ATP8B4: variants seen among roughly 807,000 people sequenced by gnomAD.
ATP8B4 encodes ATPase phospholipid transporting 8B4 (putative), also known as probable phospholipid-transporting ATPase IM.
In ATP8B4, 133 loss-of-function variants were observed where a neutral mutation model predicts 145.6. The ratio of observed to expected loss-of-function variants is 0.91; its 90% confidence interval spans 0.79 to 1.05. ATP8B4 has a LOEUF of 1.05. Among genes scored for constraint, ATP8B4 ranks in the 50% least tolerant of loss-of-function variants. The probability of loss-of-function intolerance (pLI) is 0.00; values close to 1 mark genes in which losing one functional copy is unlikely to be tolerated. For synonymous variants in ATP8B4, 507 were observed against 492.9 expected, an observed-to-expected ratio of 1.03 and a Z score of -0.38; for missense variants, 1,458 against 1,425.2, an observed-to-expected ratio of 1.02 and a Z score of -0.37.
chr15:50,036,924 T>C (rs1039564867), intron 6 of ATP8B4, among the ~76,000 whole-genome samples: 4 of 152,104 alleles, frequency 2.6e-5, no homozygotes, highest in African/African-American at 9.7e-5. Flanking sequence ...CCATATTGAG[T>C]TACAAAGAGA....
chr15:49,952,455 C>T (rs1408156409), intron 14 of ATP8B4, among the ~76,000 whole-genome samples: 1 of 151,986 alleles, frequency 6.6e-6, no homozygotes, highest in African/African-American at 2.4e-5. Context: ...AGTCTTTGAA[C>T]TCTGATATCC....
intron 20 of ATP8B4, among the ~76,000 whole-genome samples, chr15:49,904,048 T>G (rs2038344249): frequency 6.6e-6 from 1 of 152,198 alleles, no homozygotes; most frequent in South Asian, 2.1e-4. Context: ...TATGTTTGTT[T>G]CCACAGTTGA....
chr15:49,937,439 T>G (rs2041827625), intron 14 of ATP8B4, among the ~76,000 whole-genome samples: 1 of 152,158 alleles, frequency 6.6e-6, no homozygotes, highest in Non-Finnish European at 1.5e-5. Context: ...CATATTCAAT[T>G]AAGCCTCACA....
rs1427696686 is a variant in ATP8B4 at position 49,950,605 on chromosome 15, AAC to A, written c.1287+11370_1287+11371del. On this transcript the variant is annotated intron_variant, in intron 14 of 27. Transcript: ENST00000284509. Reference sequence around the variant, plus strand: ...ATGTATTAACTAAAAAAAAAAAACAAACAAACAAACAAACAAAAAAAACAACA... The same window carrying A: ...ATGTATTAACTAAAAAAAAAAAACAAAAACAAACAAACAAAAAAAACAACA... Among the ~76,000 whole-genome samples, 16 of 103,726 alleles carry A rather than the reference AAC, an allele frequency of 1.5e-4. 3 individuals are homozygous for A. The highest frequency in any genetic ancestry group is 3.6e-4 in the African/African-American group (10 of 27,504). The allele number at this position is 103,726 out of a possible 152,430, so 68.0% of individuals were successfully genotyped here.
chr15:49,880,321 G>A (rs892469287), intron 23 of ATP8B4: 3 of 152,126 alleles, frequency 2.0e-5, no homozygotes, highest in Admixed American at 2.0e-4. Context: ...TGAAACAGCT[G>A]GAAATGCTGG....
chr15:50,159,903 C>T (rs2044489693), intron 1 of ATP8B4, among the ~76,000 whole-genome samples: 1 of 151,710 alleles, frequency 6.6e-6, no homozygotes, highest in African/African-American at 2.4e-5. Context: ...TTACTGGCCT[C>T]CTAGAATGAG....
intron 1 of ATP8B4, among the ~76,000 whole-genome samples, chr15:50,137,112 T>C (rs1039270273): frequency 4.6e-5 from 7 of 152,146 alleles, no homozygotes; most frequent in Non-Finnish European, 7.3e-5. Context: ...TTCTCAAATA[T>C]ATTAGTCACA....
chr15:50,085,963 T>TATATATCATATA (rs1567331356), intron 2 of ATP8B4, among the ~76,000 whole-genome samples: 2 of 53,800 alleles, frequency 3.7e-5, no homozygotes, highest in African/African-American at 2.2e-4. Context: ...TCATATATAT[T>TATATATCATATA]TATATATGAT....
chr15:49,864,089 A>G (rs1307126118), intron 26 of ATP8B4, among the ~76,000 whole-genome samples: 2 of 152,202 alleles, frequency 1.3e-5, no homozygotes, highest in East Asian at 3.8e-4. Context: ...GTTTCCCAAT[A>G]TGCTCATTCT....
chr15:49,914,175 C>T (rs563560450), intron 20 of ATP8B4, among the ~76,000 whole-genome samples: 4 of 152,050 alleles, frequency 2.6e-5, no homozygotes, highest in Admixed American at 1.3e-4. Context: ...TAAATCCAAA[C>T]ATTTACAGTC....
intron 9 of ATP8B4, among the ~76,000 whole-genome samples, chr15:49,990,795 T>G (rs556500007): frequency 6.6e-6 from 1 of 152,320 alleles, no homozygotes; most frequent in South Asian, 2.1e-4. Context: ...TTATCTGTAC[T>G]GCAACTCTTC....
chr15:50,048,216 A>G (rs2051876447), intron 3 of ATP8B4, among the ~76,000 whole-genome samples: 1 of 152,008 alleles, frequency 6.6e-6, no homozygotes, highest in Non-Finnish European at 1.5e-5. Context: ...GGGAAGGCTC[A>G]CACCTGAGGG....
chr15:49,994,788 C>A (rs537368024), intron 9 of ATP8B4, among the ~76,000 whole-genome samples: 23 of 152,204 alleles, frequency 1.5e-4, no homozygotes, highest in African/African-American at 5.3e-4. Context: ...GGCCACGATT[C>A]TTGAAGGGTG....
At chr15:49,949,199 G>C (rs1270002794) in intron 14 of ATP8B4, among the ~76,000 whole-genome samples, 1 of 152,150 alleles carries the variant, frequency 6.6e-6, no homozygotes, top group East Asian at 1.9e-4. Context: ...TTCTAATTCT[G>C]TGAAGAATGA....
At chr15:50,144,495 G>A (rs2044250890) in intron 1 of ATP8B4, among the ~76,000 whole-genome samples, 1 of 152,124 alleles carries the variant, frequency 6.6e-6, no homozygotes, top group African/African-American at 2.4e-5. Flanking sequence ...GGCAGCAGGA[G>A]AGAAGAGCAA....
chr15:50,109,052 G>A (rs1307164841), intron 1 of ATP8B4, among the ~76,000 whole-genome samples: 1 of 152,152 alleles, frequency 6.6e-6, no homozygotes. Context: ...TTCCCAAGCT[G>A]GAGTGGCTGC....
At chr15:50,172,671 C>T (rs1056791557) in intron 1 of ATP8B4, among the ~76,000 whole-genome samples, 27 of 152,046 alleles carry the variant, frequency 1.8e-4, no homozygotes, top group African/African-American at 5.3e-4. Context: ...CTCCTCTTCC[C>T]GGCCGTCATC....
rs1307021516 is a variant in ATP8B4, at chr15:50,074,191, GA to G, written c.29-7del. On this transcript the variant is annotated splice_region_variant and splice_polypyrimidine_tract_variant and intron_variant, in intron 2 of 27. Transcript: ENST00000284509. ...TTTCACTATCCGTTCCACTTCTAAA[GA>G]GAGAGAAATCAAGTATGAAATTAAA... 2 of 1,608,224 alleles carry G rather than the reference GA, an allele frequency of 1.2e-6. No homozygotes were observed. The highest frequency in any genetic ancestry group is 2.7e-5 in the African/African-American group (2 of 74,652).
intron 9 of ATP8B4, among the ~76,000 whole-genome samples, chr15:49,996,034 A>G (rs1372294569): frequency 1.3e-5 from 2 of 152,162 alleles, no homozygotes; most frequent in South Asian, 4.1e-4. Flanking sequence ...TAACTTTAAC[A>G]GAATAGAACG....
Sources: gnomAD v4.1 joint callset for allele counts (sites outside exome capture counted in the v4.1 genomes callset) on GRCh38, gnomAD v4.1.1 for gene constraint, MANE v1.5 for transcripts, NCBI Gene and HGNC (gene_info 2026-07-23, HGNC 2026-07-21) for gene names.